DHRS4L2: variants seen among roughly 807,000 people sequenced by gnomAD.
DHRS4L2 encodes dehydrogenase/reductase SDR family member 4-like 2.
In DHRS4L2, 22 loss-of-function variants were observed where a neutral mutation model predicts 23.9. That is an observed-to-expected ratio of 0.92 (90% CI 0.66 to 1.31). The LOEUF is 1.31. DHRS4L2 is among the 40% of genes most tolerant of loss of function. The pLI, the probability that DHRS4L2 is intolerant of heterozygous loss-of-function variation, is 0.00. For synonymous variants in DHRS4L2, 141 were observed against 123.7 expected (o/e 1.14, Z -0.93); for missense variants, 385 against 303.3 (o/e 1.27, Z -2.00).
At chr14:23,969,969 C>T (rs1395078820) in exon 1 of DHRS4L2, 6 of 454,340 alleles carry the variant, frequency 1.3e-5, no homozygotes, top group African/African-American at 1.0e-4. Context: ...CTGTCTGGAG[C>T]GGGCTCGCCT....
Position 23,990,187 on chromosome 14 carries a change from G to A in DHRS4L2, c.134G>A (p.Gly45Asp), listed in dbSNP as rs145720846. 339 of 1,612,716 alleles carry A rather than the reference G, an allele frequency of 2.1e-4. 8 individuals are homozygous for A. In the African/African-American group the frequency reaches 4.2e-3, roughly 20 times the overall value. The part of the protein sequence containing the change: ...ALVTASTDGI[G>D]FAIARRLAQD... ...TTGTCTCTTTCTGCTCACAGGATCGGCTTCGCCATCGCCCGGCGTTTGGCC... is the reference window on the plus strand; with the variant it reads ...TTGTCTCTTTCTGCTCACAGGATCGACTTCGCCATCGCCCGGCGTTTGGCC... The change falls in exon 2 of 8, where the codon GGC becomes GAC. Residue 45 changes from glycine to aspartate, a missense_variant. Transcript: ENST00000335125.
chr14:23,988,711 A>C, upstream of DHRS4L2: 1 of 1,218,152 alleles, frequency 8.2e-7, no homozygotes, highest in Non-Finnish European at 1.1e-6. Context: ...TTGAACGGAG[A>C]GCGCTTTGAT....
At chr14:23,990,115 A>G in intron 1 of DHRS4L2, 67 bp from the exon 2 acceptor site, 2 of 1,592,800 alleles carry the variant, frequency 1.3e-6, no homozygotes, top group Non-Finnish European at 1.7e-6. Context: ...TCTTAACTTC[A>G]GAGCCCATGC....
At chr14:23,989,196 G>GA in intron 1 of DHRS4L2, 121 bp downstream of exon 1, 4 of 1,472,128 alleles carry the variant, frequency 2.7e-6, no homozygotes, top group Middle Eastern at 5.0e-4. Flanking sequence ...TCTGGCCATG[G>GA]AAAAAAAGTA....
rs1242165647 is a variant in DHRS4L2, at chr14:24,005,753, A to G, written c.*23-133A>G. 1.1e-5 allele frequency: 16 copies of G among 1,489,532 alleles called. No individual in the cohort carries two copies. In the Admixed American group the frequency reaches 3.0e-4, roughly 28 times the overall value. The allele number at this position is 1,489,532 out of a possible 1,614,324, so 92.3% of individuals were successfully genotyped here. On this transcript the variant is annotated intron_variant, in intron 7 of 7. Transcript: ENST00000335125. Reference sequence around the variant, plus strand: ...CTCGTGGTAACCCTATTTGATAGGCAGAAAGCTTGTACACTGATCCTGAAA... The same window carrying G: ...CTCGTGGTAACCCTATTTGATAGGCGGAAAGCTTGTACACTGATCCTGAAA...
At chr14:23,994,368 G>A (rs1468438587) in intron 2 of DHRS4L2, among the ~76,000 whole-genome samples, 4 of 151,614 alleles carry the variant, frequency 2.6e-5, no homozygotes, top group Non-Finnish European at 2.9e-5. Context: ...AGACAGCCTT[G>A]GAAGAATAGG....
chr14:23,989,219 G>A lies in DHRS4L2; in HGVS notation c.128+144G>A, dbSNP rs1360232435. The A allele has an allele frequency of 7.7e-6, 11 of 1,437,150 alleles. No individual in the cohort carries two copies. The South Asian group carries it at 1.1e-4, about 15-fold the overall frequency. 89.0% of individuals were successfully genotyped at this position (1,437,150 alleles called of 1,614,324 possible). ...TGGAAAAAAAGTAGCCACGTGGTCC[G>A]CCTGAAGCCCCTCCGAATACCCTGG... On this transcript the variant is annotated intron_variant, in intron 1 of 7. Coordinates refer to ENST00000335125, the MANE Select transcript of DHRS4L2 (RefSeq NM_198083.4).
chr14:23,990,039 G>A (rs2034233341), intron 1 of DHRS4L2, 143 bp from the exon 2 acceptor site: 1 of 1,355,260 alleles, frequency 7.4e-7, no homozygotes, highest in South Asian at 1.5e-5. Context: ...CATTAAGCCT[G>A]TTTTACACAT....
intron 2 of DHRS4L2, among the ~76,000 whole-genome samples, chr14:23,993,861 T>C (rs1461518365): frequency 6.6e-6 from 1 of 151,594 alleles, no homozygotes; most frequent in Non-Finnish European, 1.5e-5. Flanking sequence ...TGACCCCAAC[T>C]CACTTTCAGA....
intron 1 of DHRS4L2, among the ~76,000 whole-genome samples, chr14:23,977,155 A>T (rs1391238761): frequency 6.6e-6 from 1 of 151,928 alleles, no homozygotes; most frequent in Non-Finnish European, 1.5e-5. Context: ...TTAATAATCC[A>T]TTCCATTTAA....
At position 23,989,435 on chromosome 14, in the gene DHRS4L2, C is replaced by CT. The variant is rs2034219746; in HGVS notation, c.128+365dup. On this transcript the variant is annotated intron_variant, in intron 1 of 7. Transcript: ENST00000335125. The stretch of plus-strand genomic sequence containing the variant: ...CAAAATCTTATAACAAGGCCTCCAG[C>CT]TTTTTGAAAATGTACCATTCTATTT... Among the ~76,000 whole-genome samples the CT allele has an allele frequency of 1.3e-5, 2 of 151,596 alleles. 1 individual carries two copies. Among genetic ancestry groups the CT allele is most frequent in the Non-Finnish European group, 2.9e-5 (2 of 67,926 alleles).
intron 1 of DHRS4L2, among the ~76,000 whole-genome samples, chr14:23,972,825 G>T (rs1040315517): frequency 2.6e-5 from 4 of 151,742 alleles, no homozygotes; most frequent in Admixed American, 6.6e-5. Context: ...GAGAAGGTCA[G>T]CAACAAACGT....
intron 2 of DHRS4L2, among the ~76,000 whole-genome samples, chr14:23,992,398 A>G (rs61999850): frequency 0.024 from 3,581 of 150,614 alleles, 103 homozygotes; most frequent in Middle Eastern, 0.058. Context: ...TTGTCAGAGA[A>G]GAGAATGATA....
chr14:23,984,264 T>A (rs1390414921), upstream of DHRS4L2, among the ~76,000 whole-genome samples: 2 of 151,648 alleles, frequency 1.3e-5, no homozygotes, highest in Admixed American at 1.3e-4. Context: ...ACCTTTTACT[T>A]TTCACATAAC....
chr14:23,984,220 T>G (rs533802778), upstream of DHRS4L2, among the ~76,000 whole-genome samples: 5 of 151,608 alleles, frequency 3.3e-5, no homozygotes, highest in African/African-American at 1.2e-4. Flanking sequence ...AAGAGCTGTA[T>G]GGGAAGAAGG....
intron 1 of DHRS4L2, among the ~76,000 whole-genome samples, chr14:23,976,452 C>A (rs1182193500): frequency 6.6e-6 from 1 of 151,756 alleles, no homozygotes; most frequent in South Asian, 2.1e-4. Context: ...AGTCAGGAAA[C>A]AATAGAAGCT....
chr14:23,993,783 T>C (rs1394340699), intron 2 of DHRS4L2, among the ~76,000 whole-genome samples: 2 of 151,634 alleles, frequency 1.3e-5, no homozygotes. Flanking sequence ...TAACCAAATA[T>C]GGAATTGCTT....
chr14:23,988,248 G>C (rs368777546), upstream of DHRS4L2, among the ~76,000 whole-genome samples: 1 of 149,850 alleles, frequency 6.7e-6, no homozygotes, highest in Admixed American at 6.7e-5. Flanking sequence ...TTGAGGGACT[G>C]TCCAGCCTCC....
chr14:23,989,995 A>C (rs1444549538), intron 1 of DHRS4L2, among the ~76,000 whole-genome samples, 187 bp from the exon 2 acceptor site: 1 of 151,872 alleles, frequency 6.6e-6, no homozygotes, highest in Non-Finnish European at 1.5e-5. Context: ...GGTCATAATA[A>C]AAATAAGTAA....
Sources: gnomAD v4.1 joint callset for allele counts (sites outside exome capture counted in the v4.1 genomes callset) on GRCh38, gnomAD v4.1.1 for gene constraint, MANE v1.5 for transcripts, NCBI Gene and HGNC (gene_info 2026-07-23, HGNC 2026-07-21) for gene names.